The following BICD1 variants were observed in gnomAD, a reference collection of about 807,000 sequenced individuals.
BICD1 encodes the protein protein bicaudal D homolog 1.
BICD1 carries 35 observed loss-of-function variants against 92.5 expected under a neutral mutation model. The observed-to-expected ratio is 0.38, with a 90% CI of 0.29 to 0.50. The LOEUF is 0.50. Among genes scored for constraint, BICD1 ranks in the 20% least tolerant of loss-of-function variants. The probability of loss-of-function intolerance (pLI) is 0.93; values close to 1 mark genes in which losing one functional copy is unlikely to be tolerated. For synonymous variants in BICD1, 429 were observed against 465.1 expected, an observed-to-expected ratio of 0.92 and a Z score of 1.00; for missense variants, 950 against 1,189.8, an observed-to-expected ratio of 0.80 and a Z score of 2.97.
intron 8 of BICD1, among the ~76,000 whole-genome samples, chr12:32,361,206 G>A (rs906105559): frequency 3.3e-5 from 5 of 152,124 alleles, no homozygotes; most frequent in African/African-American, 9.7e-5. Context: ...TGCACAAACC[G>A]GAACAAGGTC....
chr12:32,280,857 T>A (rs554360834), intron 2 of BICD1, among the ~76,000 whole-genome samples: 1 of 152,226 alleles, frequency 6.6e-6, no homozygotes, highest in Non-Finnish European at 1.5e-5. Context: ...TCTCTACAGT[T>A]GGAAGGGTCT....
chr12:32,293,179 G>A (rs1947768330), intron 2 of BICD1, among the ~76,000 whole-genome samples: 1 of 152,194 alleles, frequency 6.6e-6, no homozygotes, highest in Admixed American at 6.5e-5. Context: ...AAGTGTGCAT[G>A]TATCTGTGTA....
chr12:32,294,445 G>T (rs1022345629), intron 3 of BICD1, among the ~76,000 whole-genome samples: 4 of 151,766 alleles, frequency 2.6e-5, no homozygotes, highest in African/African-American at 9.7e-5. Flanking sequence ...AATTTAACCT[G>T]ACAACTTCTC....
At chr12:32,362,813 T>TGG (rs1939382234) in intron 8 of BICD1, among the ~76,000 whole-genome samples, 1 of 128,902 alleles carries the variant, frequency 7.8e-6, no homozygotes. Context: ...GGACACCTAC[T>TGG]GTGATGGCAA....
At chr12:32,217,455 T>A (rs1162681773) in intron 2 of BICD1, among the ~76,000 whole-genome samples, 1 of 152,246 alleles carries the variant, frequency 6.6e-6, no homozygotes, top group Non-Finnish European at 1.5e-5. Context: ...ATTGGAATTT[T>A]CTAGATAATT....
intron 2 of BICD1, among the ~76,000 whole-genome samples, chr12:32,286,317 C>G (rs911623227): frequency 1.3e-5 from 2 of 152,002 alleles, no homozygotes; most frequent in Non-Finnish European, 2.9e-5. Flanking sequence ...ATATAAATGA[C>G]TGTCATCCAG....
intron 8 of BICD1, among the ~76,000 whole-genome samples, chr12:32,355,967 T>C (rs1159678677): frequency 6.6e-6 from 1 of 152,220 alleles, no homozygotes; most frequent in African/African-American, 2.4e-5. Context: ...GATAGCTTGT[T>C]GAAATGAATT....
chr12:32,367,793 A>G (rs1939582534), intron 9 of BICD1, 48 bp downstream of exon 9: 2 of 1,536,816 alleles, frequency 1.3e-6, no homozygotes, highest in South Asian at 2.2e-5. Flanking sequence ...TGTCAGATCC[A>G]TAGACCCCAG....
intron 4 of BICD1, among the ~76,000 whole-genome samples, chr12:32,319,245 C>T (rs1198923175): frequency 3.9e-5 from 6 of 152,126 alleles, no homozygotes; most frequent in Middle Eastern, 3.4e-3. Context: ...GCCCTTTATC[C>T]GGGTGAGGGA....
rs116009500 is a variant in BICD1, at chr12:32,328,279, G to A, written c.1824G>A (p.Pro608=). The A allele has an allele frequency of 1.5e-4, 250 of 1,614,146 alleles. 1 individual carries two copies. The African/African-American group carries it at 2.0e-3, about 13-fold the overall frequency. Residue 608 remains proline, a synonymous_variant, in exon 5 of 10, where the codon CCG becomes CCA. Transcript: ENST00000652176. This position sits in a 1 kb window ranked among gnomAD's most constrained non-coding sequence, Gnocchi z 4.4. ...TCTCTCCTGTTATTACTGCCCCACCGTCATCTCCAGTATTGGATACAAGTG... is the reference window on the plus strand; with the variant it reads ...TCTCTCCTGTTATTACTGCCCCACCATCATCTCCAGTATTGGATACAAGTG... ...PTISPVITAP[P]SSPVLDTSDI...
At chr12:32,314,721 CT>C (rs1948456269) in intron 4 of BICD1, among the ~76,000 whole-genome samples, 1 of 150,286 alleles carries the variant, frequency 6.7e-6, no homozygotes, top group African/African-American at 2.4e-5. Flanking sequence ...TGTGGGTTGT[CT>C]TTTCACTTTC....
At chr12:32,107,747 T>A (rs988913430) in intron 1 of BICD1, 1 of 739,518 alleles carries the variant, frequency 1.4e-6, no homozygotes, top group Non-Finnish European at 2.4e-6. Context: ...ATATATAAGC[T>A]GGAATTTGGG....
intron 1 of BICD1, among the ~76,000 whole-genome samples, chr12:32,187,074 A>T (rs1944439695): frequency 6.6e-6 from 1 of 152,156 alleles, no homozygotes; most frequent in Admixed American, 6.5e-5. Flanking sequence ...CACCTCTAAA[A>T]TTCCAGGTCT....
intron 2 of BICD1, among the ~76,000 whole-genome samples, chr12:32,219,900 G>A (rs946084144): frequency 2.0e-5 from 3 of 152,142 alleles, no homozygotes; most frequent in Non-Finnish European, 4.4e-5. Flanking sequence ...CAGAGATATA[G>A]ATCAATGGAA....
chr12:32,275,752 G>T (rs1412545435), intron 2 of BICD1, among the ~76,000 whole-genome samples: 1 of 151,958 alleles, frequency 6.6e-6, no homozygotes, highest in Non-Finnish European at 1.5e-5. Context: ...CTGATCCAGC[G>T]AGACTCCCAT....
chr12:32,153,412 G>A (rs1044465933), intron 1 of BICD1, among the ~76,000 whole-genome samples: 1 of 152,116 alleles, frequency 6.6e-6, no homozygotes, highest in South Asian at 2.1e-4. Flanking sequence ...TAATAGAGTG[G>A]TTTGTTTTCT....
chr12:32,350,156 C>T (rs186194680), intron 8 of BICD1, among the ~76,000 whole-genome samples: 1 of 152,268 alleles, frequency 6.6e-6, no homozygotes, highest in African/African-American at 2.4e-5. Flanking sequence ...TCATGGAAGG[C>T]CCAGGCTTGC....
Position 32,115,840 on chromosome 12 carries a change from C to T in BICD1, c.213+8296C>T, listed in dbSNP as rs778518057. Among the ~76,000 whole-genome samples, 8 of 151,992 alleles carry T rather than the reference C, an allele frequency of 5.3e-5. 1 individual carries two copies. Among genetic ancestry groups the T allele is most frequent in the South Asian group, 4.2e-4 (2 of 4,804 alleles). ...ATAATACCTGGCTAGTTTCCATGGCCGGCAAGAGCCAGTCCTGCAGTGTGA... is the reference window on the plus strand; with the variant it reads ...ATAATACCTGGCTAGTTTCCATGGCTGGCAAGAGCCAGTCCTGCAGTGTGA... On this transcript the variant is annotated intron_variant, in intron 1 of 9. Transcript: ENST00000652176.
chr12:32,352,955 A>G (rs1272234546), intron 8 of BICD1: 1 of 152,218 alleles, frequency 6.6e-6, no homozygotes, highest in African/African-American at 2.4e-5. Context: ...ACCTCTAACC[A>G]TAGGATCTTT....
Sources: gnomAD v4.1 joint callset for allele counts (sites outside exome capture counted in the v4.1 genomes callset) on GRCh38, gnomAD v4.1.1 for gene constraint, Gnocchi (gnomAD v3.1) non-coding constraint, MANE v1.5 for transcripts, NCBI Gene and HGNC (gene_info 2026-07-23, HGNC 2026-07-21) for gene names.